SGCZ: variants seen among roughly 807,000 people sequenced by gnomAD.
The protein encoded by SGCZ is sarcoglycan zeta, also known as zeta-sarcoglycan.
SGCZ carries 40 observed loss-of-function variants against 41.3 expected under a neutral mutation model. The observed-to-expected ratio is 0.97, with a 90% confidence interval of 0.75 to 1.26. SGCZ has a LOEUF of 1.26. SGCZ is among the 50% of genes most tolerant of loss of function. The pLI, the probability that SGCZ is intolerant of heterozygous loss-of-function variation, is 0.00. For synonymous variants in SGCZ, 206 were observed against 137.5 expected, an observed-to-expected ratio of 1.50 and a Z score of -3.49; for missense variants, 552 against 369.8, an observed-to-expected ratio of 1.49 and a Z score of -4.04.
intron 1 of SGCZ, among the ~76,000 whole-genome samples, chr8:14,602,968 C>T (rs1030139963): frequency 1.3e-5 from 2 of 152,058 alleles, no homozygotes; most frequent in African/African-American, 4.8e-5. Flanking sequence ...ATACACTAGG[C>T]ATGCCGAAGT....
At chr8:14,455,877 T>C (rs1800728817) in intron 2 of SGCZ, among the ~76,000 whole-genome samples, 1 of 152,184 alleles carries the variant, frequency 6.6e-6, no homozygotes, top group Non-Finnish European at 1.5e-5. Flanking sequence ...ATGCTACCTC[T>C]CATGTGAAAA....
chr8:14,870,831 A>G (rs1279212450), intron 1 of SGCZ, among the ~76,000 whole-genome samples: 4 of 152,210 alleles, frequency 2.6e-5, no homozygotes, highest in African/African-American at 9.6e-5. Context: ...AACAAGGCTC[A>G]TCATCACTGG....
chr8:14,760,800 T>C (rs192817972), intron 1 of SGCZ, among the ~76,000 whole-genome samples: 9 of 152,318 alleles, frequency 5.9e-5, no homozygotes, highest in East Asian at 1.9e-4. Context: ...GCCCTACTTA[T>C]ACTAAAAAGT....
chr8:14,722,610 A>G (rs1809922673), intron 1 of SGCZ, among the ~76,000 whole-genome samples: 1 of 151,648 alleles, frequency 6.6e-6, no homozygotes, highest in African/African-American at 2.4e-5. Flanking sequence ...ATGAGAAGGG[A>G]AAAGCAATAT....
At chr8:14,336,801 A>G (rs1022817428) in intron 2 of SGCZ, among the ~76,000 whole-genome samples, 3 of 152,162 alleles carry the variant, frequency 2.0e-5, no homozygotes, top group African/African-American at 7.2e-5. Flanking sequence ...TCATCTCTCA[A>G]CTGGAACTGT....
At chr8:15,189,312 T>C (rs553777602) in intron 1 of SGCZ, among the ~76,000 whole-genome samples, 1 of 152,318 alleles carries the variant, frequency 6.6e-6, no homozygotes, top group African/African-American at 2.4e-5. Context: ...TTTATTAGGT[T>C]AATATATGTT....
intron 2 of SGCZ, among the ~76,000 whole-genome samples, chr8:14,420,414 GC>G (rs535842062): frequency 8.3e-4 from 126 of 152,024 alleles, no homozygotes; most frequent in African/African-American, 2.9e-3. Context: ...TATAATCTTA[GC>G]TTTTGTTGTG....
At chr8:14,357,494 T>G (rs1362015411) in intron 2 of SGCZ, among the ~76,000 whole-genome samples, 4 of 152,210 alleles carry the variant, frequency 2.6e-5, no homozygotes, top group African/African-American at 9.7e-5. Context: ...GCTATCGCAG[T>G]ATGCAGAACT....
intron 2 of SGCZ, among the ~76,000 whole-genome samples, chr8:14,552,034 A>G (rs1015822667): frequency 2.0e-5 from 3 of 151,960 alleles, no homozygotes; most frequent in African/African-American, 7.2e-5. Context: ...AGTTATAATG[A>G]AAGTGAAATA....
chr8:14,674,928 G>GCTTTTTTTTTTTTT (rs1554478141), intron 1 of SGCZ, among the ~76,000 whole-genome samples: 1,755 of 71,038 alleles, frequency 0.025, 482 homozygotes, highest in African/African-American at 0.071. Context: ...TTTCTTTTCT[G>GCTTTTTTTTTTTTT]TTTTTTTTTT....
intron 1 of SGCZ, among the ~76,000 whole-genome samples, chr8:14,899,649 G>A (rs1490264634): frequency 6.6e-6 from 1 of 152,116 alleles, no homozygotes; most frequent in East Asian, 1.9e-4. Flanking sequence ...ACCTGATCCC[G>A]AAGGCATATT....
chr8:14,533,062 A>G (rs12545131), intron 2 of SGCZ, among the ~76,000 whole-genome samples: 53,526 of 151,786 alleles, frequency 0.35, 10,087 homozygotes, highest in East Asian at 0.43. Context: ...TGTTACATAT[A>G]TATACATGTG....
chr8:15,165,844 A>C (rs901608460), intron 1 of SGCZ, among the ~76,000 whole-genome samples: 4 of 152,202 alleles, frequency 2.6e-5, no homozygotes, highest in African/African-American at 9.7e-5. Context: ...GAACATATCG[A>C]CTATATTCAA....
intron 1 of SGCZ, among the ~76,000 whole-genome samples, chr8:15,132,552 C>A (rs890773425): frequency 6.6e-6 from 1 of 152,090 alleles, no homozygotes; most frequent in Admixed American, 6.6e-5. Flanking sequence ...CATTTTAATC[C>A]ACTTATGCTA....
At chr8:14,971,647 T>TC (rs1486500229) in intron 1 of SGCZ, among the ~76,000 whole-genome samples, 1 of 123,906 alleles carries the variant, frequency 8.1e-6, no homozygotes. Flanking sequence ...TTTATATACT[T>TC]TTTTTTTTTT....
chr8:14,833,042 A>T (rs1802585154), intron 1 of SGCZ, among the ~76,000 whole-genome samples: 1 of 151,764 alleles, frequency 6.6e-6, no homozygotes, highest in Non-Finnish European at 1.5e-5. Flanking sequence ...TGTTTTTCTC[A>T]GTTGATTTTT....
chr8:14,211,238 C>T (rs1488045164), intron 4 of SGCZ, among the ~76,000 whole-genome samples: 1 of 152,136 alleles, frequency 6.6e-6, no homozygotes, highest in Non-Finnish European at 1.5e-5. Context: ...TGTCTGCTTT[C>T]TGTGCTCCTG....
At chr8:14,572,671 C>A (rs1030673581) in intron 1 of SGCZ, among the ~76,000 whole-genome samples, 1 of 152,164 alleles carries the variant, frequency 6.6e-6, no homozygotes, top group Non-Finnish European at 1.5e-5. Context: ...CAAAGTACCA[C>A]GCCTCCCCTT....
intron 7 of SGCZ, among the ~76,000 whole-genome samples, chr8:14,096,368 A>G (rs1291121566): frequency 6.6e-6 from 1 of 151,370 alleles, no homozygotes; most frequent in Non-Finnish European, 1.5e-5. Context: ...AAACAGAACC[A>G]ATGACAAAAA....
Sources: allele counts gnomAD v4.1 joint callset (sites outside exome capture counted in the v4.1 genomes callset), GRCh38; gene constraint gnomAD v4.1.1; transcripts MANE v1.5; gene names NCBI Gene and HGNC (gene_info 2026-07-23, HGNC 2026-07-21).